CAST: variants seen among roughly 807,000 people sequenced by gnomAD.
The protein encoded by CAST is MIR583 host.
CAST carries 76 observed loss-of-function variants against 119.6 expected under a neutral mutation model. The observed-to-expected ratio is 0.64, with a 90% confidence interval of 0.53 to 0.77. CAST has a LOEUF of 0.77. Ranked by LOEUF, CAST falls within the 30% of genes least tolerant of loss-of-function variation. The pLI is 0.00. For synonymous variants in CAST, 319 were observed against 331.6 expected (o/e 0.96, Z 0.41); for missense variants, 953 against 946.5 (o/e 1.01, Z -0.09).
rs543075271 is a variant in CAST, at chr5:96,535,397, T to G, written c.60+5517T>G. 2.0e-5 allele frequency among the ~76,000 whole-genome samples: 3 copies of G among 152,196 alleles called. No individual in the cohort carries two copies. The East Asian group carries it at 5.8e-4, about 29-fold the overall frequency. On this transcript the variant is annotated intron_variant, in intron 1 of 11. Transcript: ENST00000505143. ...GCAAAGATAAAATGTAAAAAATCAGTATTTTAAAAATGTTATTTAGAAATA... is the reference window on the plus strand; with the variant it reads ...GCAAAGATAAAATGTAAAAAATCAGGATTTTAAAAATGTTATTTAGAAATA...
At chr5:96,738,088 G>A (rs1051876140) in intron 11 of CAST, 141 bp downstream of exon 11, 30 of 523,254 alleles carry the variant, frequency 5.7e-5, no homozygotes, top group South Asian at 1.6e-4. Flanking sequence ...TTGGGAGGCC[G>A]AGGCAGGCAG....
the CAST span, among the ~76,000 whole-genome samples, chr5:96,330,894 C>A: frequency 6.6e-6 from 1 of 152,052 alleles, no homozygotes; most frequent in African/African-American, 2.4e-5. Flanking sequence ...GGGTGCTCAG[C>A]ATCAGGAGAG....
At chr5:96,365,382 T>G in the CAST span, among the ~76,000 whole-genome samples, 1 of 152,236 alleles carries the variant, frequency 6.6e-6, no homozygotes, top group Non-Finnish European at 1.5e-5. Context: ...ATATCCTTGT[T>G]AACTTTCTGT....
the CAST span, among the ~76,000 whole-genome samples, chr5:96,446,443 C>T: frequency 6.6e-6 from 1 of 152,160 alleles, no homozygotes; most frequent in South Asian, 2.1e-4. Flanking sequence ...ACAGCCCCAT[C>T]ACTCATATGT....
rs1759956929 is a variant in CAST, at chr5:96,729,226, A to C, written c.435+17A>C. The C allele has an allele frequency of 1.4e-6, 2 of 1,469,600 alleles. No individual in the cohort carries two copies. The highest frequency in any genetic ancestry group is 4.5e-5 in the East Asian group (2 of 44,102). The allele number at this position is 1,469,600 out of a possible 1,614,324, so 91.0% of individuals were successfully genotyped here. On this transcript the variant is annotated intron_variant, in intron 7 of 31. Coordinates refer to ENST00000675179, the MANE Select transcript of CAST (RefSeq NM_001750.7). ...CACACAGAGGTAAATGATTATCATCAGGACTTAATTATAAGGCAACCTCTT... is the reference window on the plus strand; with the variant it reads ...CACACAGAGGTAAATGATTATCATCCGGACTTAATTATAAGGCAACCTCTT...
intron 2 of CAST, among the ~76,000 whole-genome samples, chr5:96,692,722 C>T (rs537041895): frequency 5.3e-5 from 8 of 152,332 alleles, no homozygotes; most frequent in African/African-American, 1.9e-4. Flanking sequence ...GAGCCAATCA[C>T]TCTCTGTTAC....
the CAST span, among the ~76,000 whole-genome samples, chr5:96,404,028 G>A: frequency 6.6e-6 from 1 of 152,150 alleles, no homozygotes; most frequent in Non-Finnish European, 1.5e-5. Flanking sequence ...CTCCTCAGAA[G>A]GCTGAGGCTA....
chr5:96,175,366 T>C, the CAST span, among the ~76,000 whole-genome samples: 1 of 152,158 alleles, frequency 6.6e-6, no homozygotes, highest in African/African-American at 2.4e-5. Context: ...TTGTTTCACA[T>C]GCATTAAAAA....
At chr5:96,000,807 A>G in the CAST span, among the ~76,000 whole-genome samples, 1 of 152,218 alleles carries the variant, frequency 6.6e-6, no homozygotes, top group Admixed American at 6.5e-5. Flanking sequence ...CAAAAAATTT[A>G]TGACTAATAA....
chr5:96,390,386 T>G, the CAST span: 1 of 152,226 alleles, frequency 6.6e-6, no homozygotes, highest in East Asian at 1.9e-4. Flanking sequence ...AAACAATTTA[T>G]TTTTCTGATT....
intron 1 of CAST, among the ~76,000 whole-genome samples, chr5:96,619,146 C>T (rs1365055812): frequency 6.6e-6 from 1 of 152,094 alleles, no homozygotes; most frequent in Admixed American, 6.5e-5. Context: ...ATGCACCAAT[C>T]AGCACTCTGT....
At chr5:96,101,999 C>A in the CAST span, among the ~76,000 whole-genome samples, 1 of 152,116 alleles carries the variant, frequency 6.6e-6, no homozygotes, top group Non-Finnish European at 1.5e-5. Flanking sequence ...TGCCTACAAC[C>A]CTGGAAGCCT....
the CAST span, among the ~76,000 whole-genome samples, chr5:96,170,227 G>A: frequency 6.6e-6 from 1 of 152,214 alleles, no homozygotes; most frequent in Admixed American, 6.5e-5. Flanking sequence ...GGCTCTGGGA[G>A]TGGCTGCCAG....
chr5:96,489,160 G>A, the CAST span, among the ~76,000 whole-genome samples: 4 of 152,250 alleles, frequency 2.6e-5, no homozygotes, highest in African/African-American at 9.6e-5. Context: ...AAGGAAAAGA[G>A]AGGATTGAAG....
At chr5:96,090,566 T>C in the CAST span, among the ~76,000 whole-genome samples, 4 of 152,262 alleles carry the variant, frequency 2.6e-5, no homozygotes, top group Non-Finnish European at 5.9e-5. Context: ...TAGAATCTTT[T>C]TCCCCAAGGT....
At chr5:96,066,827 T>C in the CAST span, among the ~76,000 whole-genome samples, 8 of 151,922 alleles carry the variant, frequency 5.3e-5, no homozygotes, top group Non-Finnish European at 1.2e-4. Flanking sequence ...GCCTGGCAAG[T>C]TAACAAAATT....
At chr5:96,482,845 G>A in the CAST span, among the ~76,000 whole-genome samples, 22,701 of 152,042 alleles carry the variant, frequency 0.15, 2,076 homozygotes, top group Middle Eastern at 0.26. Flanking sequence ...AGCCCATGAC[G>A]GGGAAAAAAT....
the CAST span, among the ~76,000 whole-genome samples, chr5:96,494,430 C>T: frequency 6.6e-6 from 1 of 152,136 alleles, no homozygotes; most frequent in South Asian, 2.1e-4. Flanking sequence ...ATAGCAAGAA[C>T]AGAATCAGAC....
Position 96,681,196 on chromosome 5 carries a change from G to A in CAST, c.138+5595G>A, listed in dbSNP as rs79506589. 4.4e-4 allele frequency among the ~76,000 whole-genome samples: 67 copies of A among 152,252 alleles called. No individual in the cohort carries two copies. In the East Asian group the frequency reaches 0.012, roughly 28 times the overall value. On this transcript the variant is annotated intron_variant, in intron 2 of 31. Transcript: ENST00000675179. ...AGGGAGCACAATGATGATTTTCTGA[G>A]TGTGTGAATGTAAGCATGTTTTCTC... is the stretch of plus-strand genomic sequence containing the variant.
Sources: allele counts gnomAD v4.1 joint callset (sites outside exome capture counted in the v4.1 genomes callset), GRCh38; gene constraint gnomAD v4.1.1; transcripts MANE v1.5; gene names NCBI Gene and HGNC (gene_info 2026-07-23, HGNC 2026-07-21).